The following PREX2 variants were observed in gnomAD, a reference collection of about 807,000 sequenced individuals.
PREX2 encodes the protein phosphatidylinositol-3,4,5-trisphosphate dependent Rac exchange factor 2, also known as phosphatidylinositol 3,4,5-trisphosphate-dependent Rac exchanger 2 protein.
A neutral mutation model predicts 203.2 loss-of-function variants in PREX2; 107 were observed. The observed-to-expected ratio is 0.53, with a 90% CI of 0.45 to 0.62. The LOEUF is 0.62. Ranked by LOEUF, PREX2 falls within the 20% of genes least tolerant of loss-of-function variation. The pLI, the probability that PREX2 is intolerant of heterozygous loss-of-function variation, is 0.00. For missense variants in PREX2, 1,777 were observed against 1,955.9 expected (o/e 0.91, Z 1.72); for synonymous variants, 672 against 663.6 (o/e 1.01, Z -0.19).
intron 37 of PREX2, among the ~76,000 whole-genome samples, chr8:68,199,217 G>A (rs1468785665): frequency 6.6e-6 from 1 of 152,166 alleles, no homozygotes; most frequent in Non-Finnish European, 1.5e-5. Context: ...GTGAGAGAAA[G>A]TCTGGCAAGA....
chr8:68,059,307 C>T (rs979116186), intron 10 of PREX2, among the ~76,000 whole-genome samples: 12 of 149,810 alleles, frequency 8.0e-5, no homozygotes, highest in South Asian at 6.3e-4. Flanking sequence ...TTTTTTAAAT[C>T]GCTACATAGC....
At chr8:68,010,959 T>C (rs1807240774) in intron 1 of PREX2, among the ~76,000 whole-genome samples, 2 of 152,140 alleles carry the variant, frequency 1.3e-5, no homozygotes, top group African/African-American at 4.8e-5. Context: ...ATGAATCAAA[T>C]GATACTTGGA....
At chr8:68,051,366 A>G (rs1808522378) in intron 8 of PREX2, among the ~76,000 whole-genome samples, 2 of 152,212 alleles carry the variant, frequency 1.3e-5, no homozygotes, top group South Asian at 2.1e-4. Flanking sequence ...GCCATGTGGG[A>G]TCTTTTAAGC....
intron 31 of PREX2, among the ~76,000 whole-genome samples, chr8:68,127,748 TTTTG>T (rs1810923863): frequency 6.6e-6 from 1 of 152,086 alleles, no homozygotes; most frequent in Non-Finnish European, 1.5e-5. Flanking sequence ...TGTGTCTAAA[TTTTG>T]TTTATGAGCA....
chr8:68,190,765 T>C (rs1218735730), intron 35 of PREX2, among the ~76,000 whole-genome samples: 5 of 151,924 alleles, frequency 3.3e-5, no homozygotes, highest in Non-Finnish European at 7.4e-5. Flanking sequence ...AAAAGAATGG[T>C]TAAAATGCTA....
chr8:68,072,082 G>T (rs1251608449), intron 13 of PREX2, among the ~76,000 whole-genome samples: 1 of 152,030 alleles, frequency 6.6e-6, no homozygotes, highest in Non-Finnish European at 1.5e-5. Context: ...TTTTGCCATA[G>T]GCTAATTGAC....
chr8:68,038,340 C>G (rs374984746), intron 7 of PREX2, 48 bp downstream of exon 7: 4 of 1,595,978 alleles, frequency 2.5e-6, no homozygotes, highest in African/African-American at 2.7e-5. Context: ...CAGTTTCTAC[C>G]TTTCCCTCTG....
rs11377523 is a variant in PREX2 at position 67,968,070 on chromosome 8, TA to T, written c.141+15549del. Among the ~76,000 whole-genome samples, 335 of 142,532 alleles carry T rather than the reference TA, an allele frequency of 2.4e-3. 2 individuals carry two copies. The highest frequency in any genetic ancestry group is 4.7e-3 in the African/African-American group (180 of 38,650). 93.5% of individuals were successfully genotyped at this position (142,532 alleles called of 152,430 possible). A position where few individuals can be genotyped will look rare whatever the true frequency, so the allele number is the denominator to read the frequency against. ...CACATGTACCCTAGAACTTAAAGTA[TA>T]AAAAAAAAAAAAAGAGTACCTTGCA... On this transcript the variant is annotated intron_variant, in intron 1 of 39. Coordinates refer to ENST00000288368, the MANE Select transcript of PREX2 (RefSeq NM_024870.4).
chr8:68,027,405 T>C (rs10957414), intron 5 of PREX2, 82 bp downstream of exon 5: 126,932 of 920,688 alleles, frequency 0.14, 10,179 homozygotes, highest in African/African-American at 0.32. Flanking sequence ...ATTATTTTAA[T>C]GAGTCTGATA....
intron 23 of PREX2, chr8:68,105,528 C>G: frequency 8.7e-7 from 1 of 1,150,304 alleles, no homozygotes; most frequent in Non-Finnish European, 1.1e-6. Flanking sequence ...CCCGATTACT[C>G]CATTAACACT....
intron 35 of PREX2, among the ~76,000 whole-genome samples, chr8:68,164,445 A>AATATCAGCTTTT (rs536435778): frequency 3.4e-4 from 51 of 151,882 alleles, no homozygotes; most frequent in Admixed American, 5.3e-4. Context: ...TGTGTACTTG[A>AATATCAGCTTTT]ATATCAGCTT....
chr8:68,225,431 AG>A (rs1309513864), intron 39 of PREX2, among the ~76,000 whole-genome samples: 1 of 152,140 alleles, frequency 6.6e-6, no homozygotes, highest in African/African-American at 2.4e-5. Context: ...TCTATCTTGA[AG>A]GGGGGAAAAG....
intron 10 of PREX2, among the ~76,000 whole-genome samples, chr8:68,056,932 C>T (rs1277279842): frequency 1.3e-5 from 2 of 152,202 alleles, no homozygotes; most frequent in East Asian, 1.9e-4. Flanking sequence ...AGTTTACCTA[C>T]AGTGCTCACT....
intron 17 of PREX2, chr8:68,082,249 A>G (rs1809553194): frequency 6.6e-6 from 1 of 152,120 alleles, no homozygotes; most frequent in Admixed American, 6.6e-5. Context: ...TCCTCAAGCA[A>G]ACTTCTCAAT....
At chr8:68,223,199 C>T (rs1432149618) in intron 38 of PREX2, 5 of 152,168 alleles carry the variant, frequency 3.3e-5, no homozygotes, top group East Asian at 3.9e-4. Context: ...GAAGGGTTAA[C>T]GTTAGGGGAA....
At position 68,228,110 on chromosome 8, in the gene PREX2, C is replaced by T. The variant is rs111990592; in HGVS notation, c.4776-3223C>T. ...GTGAGGAGGGAGTACAAAGGACCTT[C>T]CCCCTCCCAGTTTCATACATTGGCT... On this transcript the variant is annotated intron_variant, in intron 39 of 39. Coordinates refer to ENST00000288368, the MANE Select transcript of PREX2 (RefSeq NM_024870.4). Among the ~76,000 whole-genome samples the T allele has an allele frequency of 1.1e-3, 174 of 152,270 alleles. 2 individuals are homozygous for T. The highest frequency in any genetic ancestry group is 2.3e-3 in the South Asian group (11 of 4,822).
rs78101151 is a variant in PREX2, at chr8:68,126,989, A to G, written c.3725-389A>G. Among the ~76,000 whole-genome samples the G allele has an allele frequency of 2.3e-3, 355 of 152,094 alleles. 2 individuals carry two copies. The highest frequency in any genetic ancestry group is 4.3e-3 in the Admixed American group (65 of 15,252). On this transcript the variant is annotated intron_variant, in intron 30 of 39. Coordinates refer to ENST00000288368, the MANE Select transcript of PREX2 (RefSeq NM_024870.4). ...TAGCAAAAATATTGTTTGACAGTTT[A>G]TTGCTAGTGATTACAACAGTTGTAG...
At chr8:68,102,937 A>G in intron 23 of PREX2, 1 of 517,990 alleles carries the variant, frequency 1.9e-6, no homozygotes, top group Non-Finnish European at 3.9e-6. Context: ...ATTCGGAAGT[A>G]AAATTATGCC....
intron 1 of PREX2, among the ~76,000 whole-genome samples, chr8:67,960,568 TC>T (rs1563471237): frequency 1.3e-5 from 2 of 152,060 alleles, no homozygotes; most frequent in Admixed American, 6.5e-5. Flanking sequence ...GAGGGAGTGT[TC>T]CGGGAGCCAC....
Sources: allele counts gnomAD v4.1 joint callset (sites outside exome capture counted in the v4.1 genomes callset), GRCh38; gene constraint gnomAD v4.1.1; transcripts MANE v1.5; gene names NCBI Gene and HGNC (gene_info 2026-07-23, HGNC 2026-07-21).